SHC4: variants seen among roughly 807,000 people sequenced by gnomAD.
SHC4 encodes the protein SHC adaptor protein 4, also known as SHC-transforming protein 4.
Under a neutral mutation model 69.4 loss-of-function variants are expected in SHC4, and 41 were observed. The ratio of observed to expected loss-of-function variants is 0.59; its 90% CI spans 0.46 to 0.77. The LOEUF is 0.77. Ranked by LOEUF, SHC4 falls within the 30% of genes least tolerant of loss-of-function variation. SHC4 has a pLI of 0.00. For synonymous variants in SHC4, 318 were observed against 299.3 expected (o/e 1.06, Z -0.64); for missense variants, 777 against 783.8 (o/e 0.99, Z 0.10).
intron 2 of SHC4, among the ~76,000 whole-genome samples, chr15:48,895,082 G>A (rs770590999): frequency 2.0e-5 from 3 of 152,204 alleles, no homozygotes; most frequent in African/African-American, 7.2e-5. Flanking sequence ...TGGGATTAGA[G>A]GTGTGAGCCA....
intron 10 of SHC4, among the ~76,000 whole-genome samples, chr15:48,841,623 C>T (rs1233564514): frequency 6.6e-6 from 1 of 152,220 alleles, no homozygotes; most frequent in Non-Finnish European, 1.5e-5. Context: ...CTCCGACAGA[C>T]CACATGGGCT....
At chr15:48,866,970 A>G (rs749238783) in intron 6 of SHC4, among the ~76,000 whole-genome samples, 2 of 151,734 alleles carry the variant, frequency 1.3e-5, no homozygotes, top group Non-Finnish European at 2.9e-5. Flanking sequence ...CCATCAAATC[A>G]CTCTTCCATT....
chr15:48,907,512 C>T (rs990998796), intron 2 of SHC4, among the ~76,000 whole-genome samples: 4 of 151,868 alleles, frequency 2.6e-5, no homozygotes, highest in African/African-American at 2.4e-5. Flanking sequence ...ACTCATCACC[C>T]GAGCAGTATA....
intron 2 of SHC4, among the ~76,000 whole-genome samples, chr15:48,924,678 T>C (rs1169733475): frequency 6.6e-6 from 1 of 152,196 alleles, no homozygotes; most frequent in Non-Finnish European, 1.5e-5. Flanking sequence ...GAAACACAGA[T>C]GCACTGCCAC....
intron 2 of SHC4, among the ~76,000 whole-genome samples, chr15:48,894,741 C>A (rs1900193461): frequency 6.6e-6 from 1 of 151,972 alleles, no homozygotes; most frequent in African/African-American, 2.4e-5. Context: ...AGCAGGGAGC[C>A]CGAGTTTCAG....
chr15:48,870,146 T>C (rs1899640724), intron 5 of SHC4, among the ~76,000 whole-genome samples: 1 of 152,232 alleles, frequency 6.6e-6, no homozygotes, highest in Non-Finnish European at 1.5e-5. Context: ...AACACTACTT[T>C]AAATCTCTTA....
In SHC4 at chr15:48,962,835, G is replaced by T. The variant is rs746971637; in HGVS notation, c.181C>A (p.Pro61Thr). The change falls in exon 1 of 12, where the codon CCC (proline) becomes ACC (threonine). Residue 61 changes from proline to threonine, a missense_variant. Physicochemically the swap from Pro to Thr is conservative, Grantham distance 38. Transcript: ENST00000332408. ...GNKGSPQPPH[P>T]ALAPHLPTED... ...GTCGGCAGGTGAGGTGCCAGGGCGGGGTGGGGAGGCTGCGGCGAGCCCTTG... is the reference window on the plus strand; with the variant it reads ...GTCGGCAGGTGAGGTGCCAGGGCGGTGTGGGGAGGCTGCGGCGAGCCCTTG... 2 of 1,612,928 alleles carry T rather than the reference G, an allele frequency of 1.2e-6. No homozygotes were observed. The highest frequency in any genetic ancestry group is 1.7e-6 in the Non-Finnish European group (2 of 1,180,008).
rs1161585013 is a variant in SHC4, at chr15:48,824,924, A to AT, written c.*1046dup. ...AAAATCTTTCCAAGTGCTTCATTCA[A>AT]TATGTTTTTTTTTCCTTCTGCATTT... On this transcript the variant is annotated 3_prime_UTR_variant, in exon 12 of 12. Transcript: ENST00000332408. The AT allele has an allele frequency of 2.2e-5, 1 of 45,728 alleles. No homozygotes were observed. The highest frequency in any genetic ancestry group is 4.7e-5 in the Non-Finnish European group (1 of 21,310). 2.8% of individuals were successfully genotyped at this position (45,728 alleles called of 1,614,324 possible). A position where few individuals can be genotyped will look rare whatever the true frequency, so the allele number is the denominator to read the frequency against.
At chr15:48,920,015 G>GTTTT (rs11293084) in intron 2 of SHC4, among the ~76,000 whole-genome samples, 1 of 139,514 alleles carries the variant, frequency 7.2e-6, no homozygotes, top group Non-Finnish European at 1.6e-5. Context: ...CACGGAGTTT[G>GTTTT]TTTTTTTTTT....
At chr15:48,831,945 C>T (rs561987693) in intron 11 of SHC4, among the ~76,000 whole-genome samples, 1 of 152,254 alleles carries the variant, frequency 6.6e-6, no homozygotes, top group East Asian at 1.9e-4. Context: ...TTTTGTTTAT[C>T]TCAGAAAGTC....
At chr15:48,940,484 T>A (rs1197452669) in intron 1 of SHC4, among the ~76,000 whole-genome samples, 1 of 152,186 alleles carries the variant, frequency 6.6e-6, no homozygotes, top group Non-Finnish European at 1.5e-5. Flanking sequence ...AATGAGAGCA[T>A]CTGCAAATAC....
rs144104932 is a variant in SHC4 at position 48,884,672 on chromosome 15, C to T, written c.721-305G>A. Among the ~76,000 whole-genome samples, 8 of 152,198 alleles carry T rather than the reference C, an allele frequency of 5.3e-5. No individual in the cohort carries two copies. The East Asian group carries it at 1.5e-3, about 29-fold the overall frequency. ...AAACAAATTCCTGTGAGAGTTTAGA[C>T]CAGCTGAACTCTTGAGTCCTTTTCA... On this transcript the variant is annotated intron_variant, in intron 3 of 11. Transcript: ENST00000332408.
At chr15:48,859,691 T>G (rs1414495917) in intron 6 of SHC4, among the ~76,000 whole-genome samples, 1 of 152,144 alleles carries the variant, frequency 6.6e-6, no homozygotes, top group Admixed American at 6.6e-5. Context: ...TGTCTTTGAG[T>G]TTTTTGAAGT....
chr15:48,858,097 G>A (rs1169576357), intron 6 of SHC4, among the ~76,000 whole-genome samples: 1 of 152,128 alleles, frequency 6.6e-6, no homozygotes, highest in Admixed American at 6.5e-5. Flanking sequence ...ACACTGATTT[G>A]ACTAATAATG....
chr15:48,838,463 T>C (rs1232643483), intron 10 of SHC4, among the ~76,000 whole-genome samples: 1 of 152,114 alleles, frequency 6.6e-6, no homozygotes, highest in Non-Finnish European at 1.5e-5. Flanking sequence ...AACTCTAAAA[T>C]AAAAATGTAT....
chr15:48,914,151 G>A (rs184437033), intron 2 of SHC4, among the ~76,000 whole-genome samples: 3 of 152,362 alleles, frequency 2.0e-5, no homozygotes, highest in Non-Finnish European at 1.5e-5. Flanking sequence ...ATGAGCCACC[G>A]CGCCCGGCGC....
chr15:48,899,056 A>C (rs11070660), intron 2 of SHC4, among the ~76,000 whole-genome samples: 18,767 of 150,574 alleles, frequency 0.12, 1,468 homozygotes, highest in Non-Finnish European at 0.17. Flanking sequence ...AAAAAAAAAA[A>C]AAAAAACCGA....
At chr15:48,840,097 G>A (rs907638940) in intron 10 of SHC4, among the ~76,000 whole-genome samples, 1 of 152,178 alleles carries the variant, frequency 6.6e-6, no homozygotes, top group African/African-American at 2.4e-5. Context: ...ATGTGATGAT[G>A]AGGGCCCAAG....
At chr15:48,858,346 T>C (rs1320292959) in intron 6 of SHC4, among the ~76,000 whole-genome samples, 4 of 152,178 alleles carry the variant, frequency 2.6e-5, no homozygotes, top group African/African-American at 7.2e-5. Context: ...CTGTCATTGC[T>C]ATTATAAAGC....
Sources: gnomAD v4.1 joint callset for allele counts (sites outside exome capture counted in the v4.1 genomes callset) on GRCh38, gnomAD v4.1.1 for gene constraint, MANE v1.5 for transcripts, NCBI Gene and HGNC (gene_info 2026-07-23, HGNC 2026-07-21) for gene names.